Variants in SAP18 observed in about 807,000 individuals in gnomAD.
SAP18 encodes histone deacetylase complex subunit SAP18.
In SAP18, 4 loss-of-function variants were observed where a neutral mutation model predicts 18.6. The ratio of observed to expected loss-of-function variants is 0.21; its 90% CI spans 0.11 to 0.49. The LOEUF is 0.49. Among genes scored for constraint, SAP18 ranks in the 20% least tolerant of loss-of-function variants. SAP18 has a pLI of 0.98. For missense variants in SAP18, 170 were observed against 226.4 expected (o/e 0.75, Z 1.60); for synonymous variants, 112 against 82.8 (o/e 1.35, Z -1.92).
At chr13:21,140,928 C>G in exon 2 of SAP18, 1 of 1,613,750 alleles carries the variant, frequency 6.2e-7, no homozygotes, top group Non-Finnish European at 8.5e-7. Context: ...CAATAACGGC[C>G]GCCACCACCG....
intron 1 of SAP18, 96 bp from the exon 2 acceptor site, chr13:21,140,790 A>G: frequency 6.3e-7 from 1 of 1,578,084 alleles, no homozygotes; most frequent in Non-Finnish European, 8.7e-7. Context: ...GGTCTCGGGG[A>G]GGCTCGGAGG....
At chr13:21,140,553 A>T in exon 1 of SAP18, 1 of 1,588,356 alleles carries the variant, frequency 6.3e-7, no homozygotes, top group Non-Finnish European at 8.6e-7. Context: ...CTTAGTGCTC[A>T]TGCTCGCTGC....
intron 2 of SAP18, among the ~76,000 whole-genome samples, chr13:21,144,144 C>T (rs894989445): frequency 2.6e-5 from 4 of 152,072 alleles, no homozygotes; most frequent in Non-Finnish European, 5.9e-5. Context: ...TGGTGGCTCA[C>T]GCCTGTAATC....
chr13:21,142,289 A>C (rs1379751370), intron 2 of SAP18, among the ~76,000 whole-genome samples: 1 of 151,322 alleles, frequency 6.6e-6, no homozygotes, highest in Non-Finnish European at 1.5e-5. Context: ...TCTGTCTCAA[A>C]ATATATATGT....
intron 2 of SAP18, among the ~76,000 whole-genome samples, chr13:21,144,987 C>CTGAA (rs1317732455): frequency 6.6e-6 from 1 of 151,880 alleles, no homozygotes; most frequent in Non-Finnish European, 1.5e-5. Flanking sequence ...AGTCCAAAAT[C>CTGAA]TGAAATGCCA....
chr13:21,141,998 T>C (rs1199636869), intron 2 of SAP18, among the ~76,000 whole-genome samples: 3 of 150,272 alleles, frequency 2.0e-5, no homozygotes, highest in Non-Finnish European at 3.0e-5. Context: ...TGAAAAGATA[T>C]ATAACAAGCC....
At chr13:21,145,266 T>C (rs1463191341) in intron 2 of SAP18, among the ~76,000 whole-genome samples, 1 of 152,092 alleles carries the variant, frequency 6.6e-6, no homozygotes, top group Non-Finnish European at 1.5e-5. Flanking sequence ...TATAAAATTG[T>C]ATTCCAGCTG....
chr13:21,147,321 A>G lies in SAP18; in HGVS notation c.498A>G (p.Ser166=), dbSNP rs778099773. The G allele has an allele frequency of 5.6e-6, 9 of 1,612,136 alleles. No individual in the cohort carries two copies. The South Asian group carries it at 8.8e-5, about 16-fold the overall frequency. Residue 166 remains serine, a synonymous_variant, in exon 4 of 4, where the codon TCA becomes TCG. Transcript: ENST00000621421. ...CTCCAAATCGGGCACCACCTCCTTC[A>G]GGGCGCATGAGACCATATTAAATTC...
chr13:21,140,697 G>C lies in SAP18; in HGVS notation c.129+16G>C, dbSNP rs1292396819. ...CCGCGAGAAGGTGAAGGCCCCCTCC[G>C]CTTTGGGGTCCGGGAAGAGGTTGGG... On this transcript the variant is annotated intron_variant, in intron 1 of 3. Coordinates refer to ENST00000621421, the Ensembl canonical transcript of SAP18. 9 of 1,607,770 alleles carry C rather than the reference G, an allele frequency of 5.6e-6. No individual in the cohort carries two copies. Among genetic ancestry groups the C allele is most frequent in the Non-Finnish European group, 6.8e-6 (8 of 1,176,692 alleles).
chr13:21,141,408 ATAT>A (rs371849550), intron 2 of SAP18: 3 of 195,460 alleles, frequency 1.5e-5, no homozygotes, highest in African/African-American at 7.0e-5. Context: ...TTTCCACATA[ATAT>A]TAAGCCTTAG....
intron 2 of SAP18, among the ~76,000 whole-genome samples, chr13:21,145,592 C>T (rs538489722): frequency 2.6e-5 from 4 of 152,174 alleles, no homozygotes; most frequent in South Asian, 2.1e-4. Context: ...CTGCAGCCTC[C>T]GCCTCCCAGG....
upstream of SAP18, among the ~76,000 whole-genome samples, chr13:21,140,362 T>C (rs887039561): frequency 6.6e-6 from 1 of 152,240 alleles, no homozygotes; most frequent in Non-Finnish European, 1.5e-5. Context: ...GGCAACCAAC[T>C]GCTAGGCGAC....
intron 2 of SAP18, among the ~76,000 whole-genome samples, chr13:21,142,934 T>C (rs1869520479): frequency 6.6e-6 from 1 of 152,170 alleles, no homozygotes; most frequent in African/African-American, 2.4e-5. Context: ...TAGCCTCTAA[T>C]GTATTATCTG....
intron 2 of SAP18, among the ~76,000 whole-genome samples, chr13:21,141,981 A>G (rs1435695664): frequency 2.7e-5 from 4 of 148,988 alleles, no homozygotes; most frequent in Non-Finnish European, 4.5e-5. Context: ...TAAATTTTTT[A>G]TTGTGATGAA....
chr13:21,140,813 G>A, intron 1 of SAP18, 73 bp from the exon 2 acceptor site: 1 of 1,574,082 alleles, frequency 6.4e-7, no homozygotes, highest in Non-Finnish European at 8.7e-7. Flanking sequence ...GCAACGCCTC[G>A]GGAAGAGAGA....
intron 2 of SAP18, 62 bp from the exon 3 acceptor site, chr13:21,146,743 C>T (rs1869665106): frequency 2.3e-6 from 3 of 1,301,960 alleles, no homozygotes; most frequent in Non-Finnish European, 3.2e-6. Context: ...TTGTTAGTAT[C>T]CCTTTTAATA....
exon 2 of SAP18, chr13:21,140,887 C>A: frequency 6.2e-7 from 1 of 1,612,840 alleles, no homozygotes; most frequent in Non-Finnish European, 8.5e-7. Flanking sequence ...CTCCCTCAGA[C>A]ATGCCCACTG....
At chr13:21,143,827 A>T (rs551464796) in intron 2 of SAP18, among the ~76,000 whole-genome samples, 1 of 152,230 alleles carries the variant, frequency 6.6e-6, no homozygotes, top group Non-Finnish European at 1.5e-5. Flanking sequence ...TTTAAGTTAC[A>T]TCTCAAAATG....
upstream of SAP18, chr13:21,140,442 G>C: frequency 3.2e-6 from 4 of 1,269,312 alleles, no homozygotes; most frequent in Non-Finnish European, 4.3e-6. Context: ...ACGCAGGCGC[G>C]CTCCGGCTCG....
Sources: allele counts gnomAD v4.1 joint callset (sites outside exome capture counted in the v4.1 genomes callset), GRCh38; gene constraint gnomAD v4.1.1; transcripts MANE v1.5; gene names NCBI Gene and HGNC (gene_info 2026-07-23, HGNC 2026-07-21).